NBPF12: variants seen among roughly 807,000 people sequenced by gnomAD.
The protein encoded by NBPF12 is NBPF family member NBPF12.
Under a neutral mutation model 146.4 loss-of-function variants are expected in NBPF12, and 115 were observed. The observed-to-expected ratio is 0.79, with a 90% CI of 0.68 to 0.92. NBPF12 has a LOEUF of 0.92. Among genes scored for constraint, NBPF12 ranks in the 40% least tolerant of loss-of-function variants. The probability of loss-of-function intolerance (pLI) is 0.00; values close to 1 mark genes in which losing one functional copy is unlikely to be tolerated. For missense variants in NBPF12, 1,205 were observed against 1,326.8 expected (o/e 0.91, Z 1.43); for synonymous variants, 385 against 508.9 (o/e 0.76, Z 3.28).
chr1:146,972,167 G>A (rs1319861816), intron 13 of NBPF12, among the ~76,000 whole-genome samples: 1 of 150,852 alleles, frequency 6.6e-6, no homozygotes, highest in East Asian at 1.9e-4. Context: ...GGCGGAGGTA[G>A]GTGGAACACC....
chr1:146,966,884 G>T (rs1435535807), intron 9 of NBPF12, among the ~76,000 whole-genome samples: 1 of 149,598 alleles, frequency 6.7e-6, no homozygotes, highest in Non-Finnish European at 1.5e-5. Flanking sequence ...GTGGGGGTGG[G>T]ACTAGAGTTA....
At chr1:146,994,140 C>T (rs1346861438) in intron 33 of NBPF12, among the ~76,000 whole-genome samples, 192 bp from the exon 37 acceptor site, 7 of 131,426 alleles carry the variant, frequency 5.3e-5, no homozygotes, top group Admixed American at 3.1e-4. Flanking sequence ...CTCTCTCTCT[C>T]TGTCTTTCTC....
chr1:146,975,074 A>G (rs1656895466), intron 15 of NBPF12, among the ~76,000 whole-genome samples: 1 of 123,196 alleles, frequency 8.1e-6, no homozygotes, highest in Non-Finnish European at 1.6e-5. Flanking sequence ...GTAATTGTTG[A>G]TGTGAAATTT....
At position 146,950,040 on chromosome 1, in the gene NBPF12, C is replaced by T. The variant is rs1380752822; in HGVS notation, c.-326+618C>T. On this transcript the variant is annotated intron_variant, in intron 1 of 33. Transcript: ENST00000617844. ...CAACATAGTCACAGGAATGGTGTCT[C>T]ATCACGTTAAGAGGCTTTAGAGACA... 4.6e-5 allele frequency among the ~76,000 whole-genome samples: 7 copies of T among 152,204 alleles called. 1 individual carries two copies. The highest frequency in any genetic ancestry group is 1.7e-4 in the African/African-American group (7 of 41,476).
chr1:146,968,575 C>T (rs1553885933), intron 10 of NBPF12, 25 bp downstream of exon 13: 11 of 1,556,860 alleles, frequency 7.1e-6, no homozygotes, highest in African/African-American at 1.4e-5. Flanking sequence ...TGGGGGCAGG[C>T]AGGGGGGCAG....
At chr1:146,963,304 G>A in exon 6 of NBPF12, 2 of 1,611,902 alleles carry the variant, frequency 1.2e-6, no homozygotes. Flanking sequence ...CAAAAGCTCA[G>A]CCCAGGTAAG....
At chr1:146,994,307 T>C in intron 33 of NBPF12, 25 bp from the exon 37 acceptor site, 1 of 1,611,530 alleles carries the variant, frequency 6.2e-7, no homozygotes, top group Non-Finnish European at 8.5e-7. Flanking sequence ...CCTGGCTGCT[T>C]CTTTAGTTTT....
At chr1:146,977,792 A>T (rs1162833351) in intron 18 of NBPF12, 121 bp downstream of exon 21, 1 of 672,546 alleles carries the variant, frequency 1.5e-6, no homozygotes, top group African/African-American at 1.8e-5. Context: ...TTCTAAACAG[A>T]TATCAGGGAG....
intron 4 of NBPF12, among the ~76,000 whole-genome samples, chr1:146,961,501 TTC>T (rs1655847273): frequency 1.3e-5 from 2 of 152,188 alleles, no homozygotes; most frequent in Non-Finnish European, 2.9e-5. Flanking sequence ...TAGTTCTTCA[TTC>T]TGATGTTTCT....
chr1:146,963,182 A>G (rs1655971757), exon 6 of NBPF12: 1 of 1,602,578 alleles, frequency 6.2e-7, no homozygotes, highest in Non-Finnish European at 8.5e-7. Flanking sequence ...CCTCCCGCTC[A>G]TTGAATGAGC....
At chr1:146,978,305 C>T in intron 18 of NBPF12, among the ~76,000 whole-genome samples, 1 of 137,700 alleles carries the variant, frequency 7.3e-6, no homozygotes, top group East Asian at 2.2e-4. Context: ...TGCTCTGTCA[C>T]CTAGGCTGGA....
At chr1:146,961,785 G>A (rs1345987469) in intron 4 of NBPF12, among the ~76,000 whole-genome samples, 31 of 151,904 alleles carry the variant, frequency 2.0e-4, no homozygotes, top group African/African-American at 7.0e-4. Flanking sequence ...GGGCCTTCCC[G>A]ACTGTACAAG....
Position 146,942,264 on chromosome 1 carries a change from C to T in NBPF12, c.-821-1027C>T, listed in dbSNP as rs1553882902. On this transcript the variant is annotated intron_variant, in intron 1 of 35. Coordinates refer to the NBPF12 transcript ENST00000617931. ...TTGGCATCCCAAAGTGTTGGGATTACAGGTGTGAGCCATCACATCTGGCCA... is the reference window on the plus strand; with the variant it reads ...TTGGCATCCCAAAGTGTTGGGATTATAGGTGTGAGCCATCACATCTGGCCA... Among the ~76,000 whole-genome samples the T allele has an allele frequency of 2.0e-3, 306 of 151,506 alleles. 13 individuals carry two copies. Among genetic ancestry groups the T allele is most frequent in the African/African-American group, 6.8e-3 (280 of 41,080 alleles).
At chr1:146,994,394 G>A (rs782338656) in exon 34 of NBPF12, 94 of 1,612,358 alleles carry the variant, frequency 5.8e-5, no homozygotes, top group East Asian at 1.8e-4. Context: ...CTGGATAGAT[G>A]TTATTCGACT....
rs1656442223 is a variant in NBPF12 at position 146,969,601 on chromosome 1, G to T, written c.1306+5G>T. 1 of 1,610,204 alleles carries T rather than the reference G, an allele frequency of 6.2e-7. No individual in the cohort carries two copies. Among genetic ancestry groups the T allele is most frequent in the African/African-American group, 1.3e-5 (1 of 74,132 alleles). On this transcript the variant is annotated splice_donor_5th_base_variant and intron_variant, in intron 11 of 33. Coordinates refer to ENST00000617844, the Ensembl canonical transcript of NBPF12. The stretch of plus-strand genomic sequence containing the variant: ...TTGTCCAAAAGCTCAGCCCAGGTAA[G>T]GTGGCCACAGGCCCTGATGACCCAA...
At chr1:146,974,565 A>T (rs1447525070) in intron 14 of NBPF12, among the ~76,000 whole-genome samples, 174 bp from the exon 18 acceptor site, 1 of 118,458 alleles carries the variant, frequency 8.4e-6, no homozygotes, top group Non-Finnish European at 1.7e-5. Flanking sequence ...ATTTTGGAGG[A>T]TCAGATGCCA....
chr1:146,962,365 G>A (rs1342611556), intron 5 of NBPF12, 102 bp downstream of exon 8: 5 of 971,690 alleles, frequency 5.1e-6, no homozygotes, highest in Non-Finnish European at 8.2e-6. Context: ...GCCAGGGAAA[G>A]GGCAGAAATT....
At chr1:146,981,574 G>A (rs1657397062) in intron 19 of NBPF12, among the ~76,000 whole-genome samples, 1 of 151,610 alleles carries the variant, frequency 6.6e-6, no homozygotes, top group African/African-American at 2.4e-5. Context: ...GGTGTTCTCT[G>A]TGTTTCCTGA....
exon 9 of NBPF12, chr1:146,966,477 C>G: frequency 7.2e-7 from 1 of 1,398,176 alleles, no homozygotes; most frequent in East Asian, 2.3e-5. Flanking sequence ...CTGGCCCCAC[C>G]TCTTCTGCCA....
Sources: allele counts gnomAD v4.1 joint callset (sites outside exome capture counted in the v4.1 genomes callset), GRCh38; gene constraint gnomAD v4.1.1; transcripts MANE v1.5; gene names NCBI Gene and HGNC (gene_info 2026-07-23, HGNC 2026-07-21).